Variants in CCSER1 observed in about 807,000 individuals in gnomAD.
CCSER1 encodes the protein serine-rich coiled-coil domain-containing protein 1.
In CCSER1, 41 loss-of-function variants were observed where a neutral mutation model predicts 82.0. That is an observed-to-expected ratio of 0.50 (90% CI 0.39 to 0.65). The LOEUF (loss-of-function observed/expected upper bound fraction) is 0.65, where lower values mean the gene tolerates loss of function less well. Among genes scored for constraint, CCSER1 ranks in the 30% least tolerant of loss-of-function variants. CCSER1 has a pLI of 0.00. For missense variants in CCSER1, 1,119 were observed against 1,064.2 expected (o/e 1.05, Z -0.72); for synonymous variants, 414 against 383.9 (o/e 1.08, Z -0.92).
intron 10 of CCSER1, among the ~76,000 whole-genome samples, chr4:91,460,260 A>G (rs1479565014): frequency 1.3e-5 from 2 of 152,160 alleles, no homozygotes; most frequent in African/African-American, 4.8e-5. Flanking sequence ...GGGTTAGGGT[A>G]CTGCTCCTTC....
intron 5 of CCSER1, among the ~76,000 whole-genome samples, chr4:90,599,164 G>A (rs937795195): frequency 2.6e-5 from 4 of 152,196 alleles, no homozygotes; most frequent in African/African-American, 4.8e-5. Flanking sequence ...GCAGGTATCC[G>A]TGGTGGTTGA....
intron 1 of CCSER1, among the ~76,000 whole-genome samples, chr4:90,245,016 C>G (rs1485735831): frequency 1.3e-5 from 2 of 152,022 alleles, no homozygotes; most frequent in African/African-American, 4.8e-5. Flanking sequence ...AAAAATAATA[C>G]TATCTCTTCA....
intron 6 of CCSER1, among the ~76,000 whole-genome samples, chr4:90,714,906 A>AT (rs1331372991): frequency 1.3e-5 from 2 of 151,908 alleles, no homozygotes; most frequent in Admixed American, 6.6e-5. Context: ...TCTATAGTAG[A>AT]TTTTTTTGTA....
chr4:91,150,674 T>A (rs1730083386), intron 10 of CCSER1, among the ~76,000 whole-genome samples: 1 of 152,196 alleles, frequency 6.6e-6, no homozygotes, highest in Non-Finnish European at 1.5e-5. Flanking sequence ...CCTAATTTAT[T>A]GAGAGTTTTT....
At position 91,599,750 on chromosome 4, in the gene CCSER1, G is replaced by T. The variant is rs1219118355; in HGVS notation, c.*693G>T. On this transcript the variant is annotated 3_prime_UTR_variant, in exon 11 of 11. Transcript: ENST00000509176. ...ATAGAGAATGACAGCTCTGATCTTT[G>T]AAAAATTTTGCTTTTAGTTTTTGTT... The T allele has an allele frequency of 3.9e-5, 6 of 151,976 alleles. No homozygotes were observed. The highest frequency in any genetic ancestry group is 1.4e-4 in the African/African-American group (6 of 41,398). 9.4% of individuals were successfully genotyped at this position (151,976 alleles called of 1,614,324 possible).
chr4:91,230,112 A>G (rs1738507480), intron 10 of CCSER1, among the ~76,000 whole-genome samples: 1 of 152,178 alleles, frequency 6.6e-6, no homozygotes, highest in African/African-American at 2.4e-5. Flanking sequence ...AGATGAAACA[A>G]AAGTCCTCCA....
At chr4:90,518,442 T>A (rs1468398165) in intron 5 of CCSER1, among the ~76,000 whole-genome samples, 2 of 151,934 alleles carry the variant, frequency 1.3e-5, no homozygotes, top group African/African-American at 4.8e-5. Context: ...AACAATAGAG[T>A]TTTAAACATC....
At chr4:90,759,483 T>G (rs1374709605) in intron 7 of CCSER1, among the ~76,000 whole-genome samples, 1 of 152,240 alleles carries the variant, frequency 6.6e-6, no homozygotes, top group Non-Finnish European at 1.5e-5. Context: ...ATTGTGCTGG[T>G]AAACATTTAA....
chr4:90,403,498 CAAAAA>C (rs753570201), intron 4 of CCSER1, among the ~76,000 whole-genome samples: 1 of 46,018 alleles, frequency 2.2e-5, no homozygotes, highest in Non-Finnish European at 4.2e-5. Flanking sequence ...GACTCCGTCT[CAAAAA>C]AAAAAAAAAA....
intron 10 of CCSER1, among the ~76,000 whole-genome samples, chr4:91,427,854 A>G (rs1175179461): frequency 6.6e-6 from 1 of 152,104 alleles, no homozygotes; most frequent in Non-Finnish European, 1.5e-5. Context: ...GATTTAAATG[A>G]TTCTGTTAGT....
intron 3 of CCSER1, among the ~76,000 whole-genome samples, chr4:90,356,399 T>G (rs1374502314): frequency 6.6e-6 from 1 of 151,676 alleles, no homozygotes; most frequent in African/African-American, 2.4e-5. Context: ...TTTATAACAT[T>G]TCTTGAAATA....
intron 8 of CCSER1, among the ~76,000 whole-genome samples, chr4:90,884,675 A>C (rs1033714468): frequency 3.9e-5 from 6 of 152,178 alleles, no homozygotes; most frequent in African/African-American, 1.4e-4. Flanking sequence ...ATGTGTTTCT[A>C]TAAGCTTGAA....
intron 10 of CCSER1, among the ~76,000 whole-genome samples, chr4:91,517,758 G>GTA (rs1251493307): frequency 2.2e-5 from 3 of 134,894 alleles, no homozygotes; most frequent in Non-Finnish European, 5.0e-5. Context: ...GTGTGTGTGT[G>GTA]TGTGTGTGTG....
intron 10 of CCSER1, among the ~76,000 whole-genome samples, chr4:91,478,737 T>C (rs566435811): frequency 2.6e-5 from 4 of 151,894 alleles, no homozygotes; most frequent in Non-Finnish European, 5.9e-5. Flanking sequence ...ATCATATAGA[T>C]GACATTACTT....
chr4:91,236,523 G>T (rs183788168), intron 10 of CCSER1, among the ~76,000 whole-genome samples: 70 of 152,102 alleles, frequency 4.6e-4, no homozygotes, highest in South Asian at 1.2e-3. Flanking sequence ...TAACTTTGTG[G>T]GTAAATGTTA....
intron 5 of CCSER1, among the ~76,000 whole-genome samples, chr4:90,487,013 G>T (rs1767207327): frequency 6.6e-6 from 1 of 152,202 alleles, no homozygotes. Flanking sequence ...CTGGGTTCAA[G>T]CAATTCTCCT....
chr4:91,485,521 C>T (rs192265870), intron 10 of CCSER1, among the ~76,000 whole-genome samples: 12 of 152,180 alleles, frequency 7.9e-5, no homozygotes, highest in Non-Finnish European at 1.6e-4. Flanking sequence ...CAGGAGCCAG[C>T]GGTTGAATAC....
Position 90,308,973 on chromosome 4 carries a change from G to A in CCSER1, c.689G>A (p.Cys230Tyr), listed in dbSNP as rs751692185. ...EPVLVRASPS[C>Y]SVDVTERAGS... is the part of the protein sequence containing the mutation. The stretch of plus-strand genomic sequence containing the variant: ...GTATTAGTAAGAGCTTCGCCATCCT[G>A]TTCTGTGGATGTAACAGAACGGGCA... Residue 230 changes from cysteine to tyrosine, a missense_variant, in exon 2 of 11, where the codon TGT becomes TAT. Coordinates refer to ENST00000509176, the MANE Select transcript of CCSER1 (RefSeq NM_001145065.2). 4 of 1,613,830 alleles carry A rather than the reference G, an allele frequency of 2.5e-6. No individual in the cohort carries two copies. Among genetic ancestry groups the A allele is most frequent in the Non-Finnish European group, 3.4e-6 (4 of 1,179,840 alleles).
At chr4:91,367,592 A>G (rs759971255) in intron 10 of CCSER1, among the ~76,000 whole-genome samples, 13 of 152,116 alleles carry the variant, frequency 8.5e-5, no homozygotes, top group Non-Finnish European at 1.5e-4. Flanking sequence ...AGGCATGCCT[A>G]GTCATAGTTT....
Sources: gnomAD v4.1 joint callset for allele counts (sites outside exome capture counted in the v4.1 genomes callset) on GRCh38, gnomAD v4.1.1 for gene constraint, MANE v1.5 for transcripts, NCBI Gene and HGNC (gene_info 2026-07-23, HGNC 2026-07-21) for gene names.